Variants in ZNF683 observed in about 807,000 individuals in gnomAD.
ZNF683 encodes the protein tissue-resident T-cell transcription regulator protein ZNF683.
A neutral mutation model predicts 31.4 loss-of-function variants in ZNF683; 20 were observed. The observed-to-expected ratio is 0.64, with a 90% CI of 0.45 to 0.93. The LOEUF is 0.93. ZNF683 is among the 40% of genes least tolerant of loss of function. The pLI is 0.00. For synonymous variants in ZNF683, 264 were observed against 267.6 expected (o/e 0.99, Z 0.13); for missense variants, 621 against 637.2 (o/e 0.97, Z 0.27).
At position 26,364,528 on chromosome 1, in the gene ZNF683, A is replaced by C. The variant is rs2074464604; in HGVS notation, c.1014+4T>G. 2 of 1,613,672 alleles carry C rather than the reference A, an allele frequency of 1.2e-6. No individual in the cohort carries two copies. ...GGGAGAAGCAGAGCCCAGGAGGCAGATACCTTGAGATTGGAGAGCTGCCCA... is the reference window on the plus strand; with the variant it reads ...GGGAGAAGCAGAGCCCAGGAGGCAGCTACCTTGAGATTGGAGAGCTGCCCA... On this transcript the variant is annotated splice_donor_region_variant and intron_variant, in intron 4 of 5. Coordinates refer to ENST00000349618, the MANE Select transcript of ZNF683 (RefSeq NM_001114759.3).
chr1:26,363,604 C>CA (rs1463324814), intron 4 of ZNF683, among the ~76,000 whole-genome samples: 1 of 151,964 alleles, frequency 6.6e-6, no homozygotes, highest in Non-Finnish European at 1.5e-5. Context: ...CCCGTATGCA[C>CA]AAAAAATTTG....
intron 4 of ZNF683, among the ~76,000 whole-genome samples, chr1:26,363,593 C>G (rs530544586): frequency 6.6e-6 from 1 of 152,060 alleles, no homozygotes; most frequent in South Asian, 2.1e-4. Context: ...CACATTGGGA[C>G]CCCGTATGCA....
intron 2 of ZNF683, among the ~76,000 whole-genome samples, 163 bp from the exon 3 acceptor site, chr1:26,367,960 A>T (rs2074571173): frequency 6.6e-6 from 1 of 151,918 alleles, no homozygotes; most frequent in African/African-American, 2.4e-5. Context: ...TCATCCAAAG[A>T]TCTCTTTCCC....
chr1:26,366,308 A>G (rs1169357570), intron 3 of ZNF683, among the ~76,000 whole-genome samples: 2 of 144,542 alleles, frequency 1.4e-5, no homozygotes, highest in Non-Finnish European at 3.0e-5. Context: ...GGCTGCAGTG[A>G]GCCATGATTG....
At chr1:26,364,483 G>A in intron 4 of ZNF683, 49 bp downstream of exon 4, 1 of 1,598,226 alleles carries the variant, frequency 6.3e-7, no homozygotes, top group Non-Finnish European at 8.6e-7. Flanking sequence ...GGTGCATGGG[G>A]GGCCCTGAAG....
Position 26,364,847 on chromosome 1 carries a change from C to T in ZNF683, c.699G>A (p.Met233Ile), listed in dbSNP as rs1016236513. Residue 233 changes from methionine (M) to isoleucine (I), a missense_variant, in exon 4 of 6, where the codon ATG (methionine) becomes ATA (isoleucine). By Grantham distance (10) the Met-to-Ile change is conservative. Transcript: ENST00000349618. Reference sequence around the variant, plus strand: ...CATTGACCATCATCAGCAGGCTAGGCATAGCCATGGTGGGGTAGGAGGGGT... The same window carrying T: ...CATTGACCATCATCAGCAGGCTAGGTATAGCCATGGTGGGGTAGGAGGGGT... ...PQDPSYPTMA[M>I]PSLLMMVNEL... The T allele has an allele frequency of 1.3e-6, 2 of 1,565,930 alleles. No homozygotes were observed. Among genetic ancestry groups the T allele is most frequent in the East Asian group, 2.2e-5 (1 of 44,532 alleles).
At chr1:26,368,928 A>G (rs2074598085) in intron 1 of ZNF683, among the ~76,000 whole-genome samples, 1 of 152,110 alleles carries the variant, frequency 6.6e-6, no homozygotes, top group Admixed American at 6.5e-5. Context: ...CCTGGGCAAC[A>G]TAGTGAGACC....
At chr1:26,366,407 C>G (rs1024852745) in intron 3 of ZNF683, among the ~76,000 whole-genome samples, 10 of 147,714 alleles carry the variant, frequency 6.8e-5, no homozygotes, top group Non-Finnish European at 1.3e-4. Flanking sequence ...TTTACTCAAT[C>G]AATCTCACTG....
chr1:26,369,082 T>A (rs969679320), intron 1 of ZNF683, among the ~76,000 whole-genome samples: 3 of 151,342 alleles, frequency 2.0e-5, no homozygotes, highest in Non-Finnish European at 2.9e-5. Flanking sequence ...CTGTCTCTAC[T>A]AAAAATACAA....
intron 4 of ZNF683, 134 bp from the exon 5 acceptor site, chr1:26,363,288 C>G: frequency 8.3e-7 from 1 of 1,203,526 alleles, no homozygotes; most frequent in South Asian, 1.5e-5. Context: ...CCAGGATACT[C>G]TACTCTTTCT....
chr1:26,362,016 G>A lies in ZNF683; in HGVS notation c.1150C>T (p.His384Tyr). Reference protein sequence around the residue: ...GERPHKCSVCHKRFSSSSNLK... With the variant: ...GERPHKCSVCYKRFSSSSNLK... Reference sequence around the variant, plus strand: ...TTACTGGAGCTGCTGAAGCGCTTGTGGCACACCTGACGGGAACGAGCACTG... The same window carrying A: ...TTACTGGAGCTGCTGAAGCGCTTGTAGCACACCTGACGGGAACGAGCACTG... Residue 384 changes from histidine to tyrosine, a missense_variant, in exon 6 of 6, where the codon CAC becomes TAC. Physicochemically the swap from His to Tyr is moderately conservative, Grantham distance 83. Coordinates refer to ENST00000349618, the MANE Select transcript of ZNF683 (RefSeq NM_001114759.3). 2 of 1,613,824 alleles carry A rather than the reference G, an allele frequency of 1.2e-6. No individual in the cohort carries two copies. The highest frequency in any genetic ancestry group is 8.5e-7 in the Non-Finnish European group (1 of 1,179,710).
At position 26,365,126 on chromosome 1, in the gene ZNF683, T is replaced by A; in HGVS notation, c.420A>T (p.Arg140Ser). 1 of 1,608,638 alleles carries A rather than the reference T, an allele frequency of 6.2e-7. No individual in the cohort carries two copies. The highest frequency in any genetic ancestry group is 8.5e-7 in the Non-Finnish European group (1 of 1,177,496). ...NKDKLGKQPE[R>S]AGEGAPCPAF... ...CTGGGCAGGGGGCCCCCTCGCCAGC[T>A]CTTTCTGGCTGTTTTCCCAGCTTGT... The change falls in exon 4 of 6, where the codon AGA becomes AGT. Residue 140 changes from arginine (R) to serine (S), a missense_variant. Coordinates refer to ENST00000349618, the MANE Select transcript of ZNF683 (RefSeq NM_001114759.3).
chr1:26,364,878 G>A lies in ZNF683; in HGVS notation c.668C>T (p.Pro223Leu), dbSNP rs747324177. 6.5e-7 allele frequency: 1 copy of A among 1,548,002 alleles called. No homozygotes were observed. Among genetic ancestry groups the A allele is most frequent in the Non-Finnish European group, 8.7e-7 (1 of 1,149,328 alleles). Residue 223 changes from proline to leucine, a missense_variant, in exon 4 of 6, where the codon CCC becomes CTC. Pro to Leu is a moderately conservative substitution (Grantham distance 98). Coordinates refer to ENST00000349618, the MANE Select transcript of ZNF683 (RefSeq NM_001114759.3). The part of the protein sequence containing the change: ...SDQCPHLLML[P>L]QDPSYPTMAM... Reference sequence around the variant, plus strand: ...CATGGTGGGGTAGGAGGGGTCTTGGGGCAGCATGAGGAGGTGGGGACATTG... The same window carrying A: ...CATGGTGGGGTAGGAGGGGTCTTGGAGCAGCATGAGGAGGTGGGGACATTG...
Position 26,363,022 on chromosome 1 carries a change from T to C in ZNF683, c.1143+4A>G. 6.2e-7 allele frequency: 1 copy of C among 1,607,598 alleles called. No individual in the cohort carries two copies. Among genetic ancestry groups the C allele is most frequent in the Non-Finnish European group, 8.5e-7 (1 of 1,176,482 alleles). ...AGTACATAGTAGGGGGAGAAGGATCTCACCGAGCACTTGTGGGGCCGCTCC... is the reference window on the plus strand; with the variant it reads ...AGTACATAGTAGGGGGAGAAGGATCCCACCGAGCACTTGTGGGGCCGCTCC... On this transcript the variant is annotated splice_donor_region_variant and intron_variant, in intron 5 of 5. Coordinates refer to ENST00000349618, the MANE Select transcript of ZNF683 (RefSeq NM_001114759.3).
At chr1:26,372,331 G>T in intron 1 of ZNF683, 1 of 453,494 alleles carries the variant, frequency 2.2e-6, no homozygotes. Context: ...GGTTTTCCAT[G>T]TAGACATCTG....
intron 4 of ZNF683, among the ~76,000 whole-genome samples, chr1:26,363,756 A>C (rs887916309): frequency 3.4e-5 from 5 of 147,880 alleles, no homozygotes; most frequent in African/African-American, 1.2e-4. Flanking sequence ...AAAAAAAAAA[A>C]AGATAACTCT....
chr1:26,366,319 T>G (rs112626474), intron 3 of ZNF683, among the ~76,000 whole-genome samples: 1 of 144,388 alleles, frequency 6.9e-6, no homozygotes, highest in Non-Finnish European at 1.5e-5. Context: ...GCCATGATTG[T>G]GTCCCTGCAC....
At chr1:26,373,900 G>A (rs1368678302), upstream of ZNF683, among the ~76,000 whole-genome samples, 1 of 152,146 alleles carries the variant, frequency 6.6e-6, no homozygotes, top group Non-Finnish European at 1.5e-5. Context: ...AGCCTGTGTG[G>A]TGGATTTTAT....
intron 1 of ZNF683, among the ~76,000 whole-genome samples, chr1:26,371,663 G>A (rs1231593307): frequency 2.0e-5 from 3 of 151,376 alleles, no homozygotes; most frequent in South Asian, 2.1e-4. Flanking sequence ...CAGGTGTGGT[G>A]GCTCACATCT....
Sources: allele counts gnomAD v4.1 joint callset (sites outside exome capture counted in the v4.1 genomes callset), GRCh38; gene constraint gnomAD v4.1.1; transcripts MANE v1.5; gene names NCBI Gene and HGNC (gene_info 2026-07-23, HGNC 2026-07-21).